MCTP2: variants seen among roughly 807,000 people sequenced by gnomAD.
The protein encoded by MCTP2 is multiple C2 and transmembrane domain containing 2, also known as multiple C2 and transmembrane domain-containing protein 2.
Under a neutral mutation model 111.6 loss-of-function variants are expected in MCTP2, and 132 were observed. The observed-to-expected ratio is 1.18, with a 90% CI of 1.03 to 1.37. The LOEUF is 1.37. Among genes scored for constraint, MCTP2 ranks in the 40% most tolerant of loss-of-function variants. MCTP2 has a pLI of 0.00. For synonymous variants in MCTP2, 395 were observed against 387.7 expected (o/e 1.02, Z -0.22); for missense variants, 1,183 against 1,067.9 (o/e 1.11, Z -1.50).
intron 22 of MCTP2, 117 bp from the exon 23 acceptor site, chr15:94,478,849 T>G: frequency 5.2e-6 from 4 of 770,246 alleles, no homozygotes; most frequent in Non-Finnish European, 2.2e-6. Flanking sequence ...AGAAAATGAT[T>G]CATTACCTTT....
At chr15:94,309,148 A>G (rs916429128) in intron 2 of MCTP2, among the ~76,000 whole-genome samples, 1 of 152,010 alleles carries the variant, frequency 6.6e-6, no homozygotes, top group Non-Finnish European at 1.5e-5. Flanking sequence ...TCCAGTTTTG[A>G]CCTCTCATTG....
intron 11 of MCTP2, among the ~76,000 whole-genome samples, chr15:94,369,886 A>G (rs2079394470): frequency 1.3e-5 from 2 of 152,112 alleles, no homozygotes; most frequent in South Asian, 2.1e-4. Flanking sequence ...GTCGTTAACT[A>G]ATTCTCAGTC....
chr15:94,416,639 A>G (rs2152490333), intron 17 of MCTP2, among the ~76,000 whole-genome samples: 1 of 152,308 alleles, frequency 6.6e-6, no homozygotes, highest in Admixed American at 6.5e-5. Context: ...CATTATGCAT[A>G]TTCGTTTAAT....
intron 1 of MCTP2, among the ~76,000 whole-genome samples, chr15:94,284,348 C>G (rs536140601): frequency 1.3e-5 from 2 of 152,188 alleles, no homozygotes; most frequent in Admixed American, 1.3e-4. Flanking sequence ...GAGAAACTGA[C>G]GTGTACATCA....
intron 1 of MCTP2, among the ~76,000 whole-genome samples, chr15:94,290,194 C>G (rs1279555935): frequency 6.6e-6 from 1 of 152,036 alleles, no homozygotes; most frequent in African/African-American, 2.4e-5. Flanking sequence ...TGATTTCAGC[C>G]TGACAAGACC....
At chr15:94,434,857 C>CTTTTTTTTTTTTTTTTTT (rs751539621) in intron 17 of MCTP2, among the ~76,000 whole-genome samples, 2 of 139,048 alleles carry the variant, frequency 1.4e-5, no homozygotes, top group African/African-American at 2.7e-5. Flanking sequence ...TTCTTTCTTT[C>CTTTTTTTTTTTTTTTTTT]TTTTTTTTTT....
At chr15:94,376,075 A>G (rs2079756326) in intron 12 of MCTP2, among the ~76,000 whole-genome samples, 1 of 152,106 alleles carries the variant, frequency 6.6e-6, no homozygotes, top group Middle Eastern at 3.2e-3. Context: ...TCACTCCTCT[A>G]CTGCAGGACA....
chr15:94,433,641 T>G (rs1185562057), intron 17 of MCTP2, among the ~76,000 whole-genome samples: 1 of 152,244 alleles, frequency 6.6e-6, no homozygotes, highest in African/African-American at 2.4e-5. Context: ...TGAATTATGG[T>G]AAATATATGT....
intron 4 of MCTP2, among the ~76,000 whole-genome samples, chr15:94,335,139 C>G (rs1414600408): frequency 6.6e-6 from 1 of 151,800 alleles, no homozygotes; most frequent in Non-Finnish European, 1.5e-5. Flanking sequence ...CCTCTTTCTT[C>G]TTTCTTCTAA....
At chr15:94,257,274 A>G (rs1246710101) in intron 1 of MCTP2, among the ~76,000 whole-genome samples, 1 of 152,018 alleles carries the variant, frequency 6.6e-6, no homozygotes, top group Non-Finnish European at 1.5e-5. Context: ...ATATATCCTC[A>G]TGGGAACACT....
intron 17 of MCTP2, among the ~76,000 whole-genome samples, chr15:94,414,255 C>T (rs2082279654): frequency 6.6e-6 from 1 of 151,966 alleles, no homozygotes; most frequent in South Asian, 2.1e-4. Context: ...CCCTTGGATC[C>T]AGAATTTTTT....
At chr15:94,303,357 G>A (rs183547237) in intron 2 of MCTP2, among the ~76,000 whole-genome samples, 1 of 151,924 alleles carries the variant, frequency 6.6e-6, no homozygotes, top group Non-Finnish European at 1.5e-5. Context: ...GGCTAGGCCA[G>A]TCTGTTTTCA....
intron 1 of MCTP2, among the ~76,000 whole-genome samples, chr15:94,263,479 CA>C (rs1419266877): frequency 6.6e-6 from 1 of 152,164 alleles, no homozygotes; most frequent in African/African-American, 2.4e-5. Context: ...ATTGTTGACT[CA>C]TTAACTCTGA....
chr15:94,336,169 C>T (rs961006451), intron 4 of MCTP2, among the ~76,000 whole-genome samples: 2 of 152,176 alleles, frequency 1.3e-5, no homozygotes, highest in African/African-American at 4.8e-5. Context: ...GGCACCACAC[C>T]GCTCTAGTCA....
At chr15:94,411,284 CT>C (rs111921100) in intron 17 of MCTP2, among the ~76,000 whole-genome samples, 9,034 of 139,082 alleles carry the variant, frequency 0.065, 293 homozygotes, top group African/African-American at 0.11. Context: ...TTTGATATTG[CT>C]TTTTTTTTTT....
At chr15:94,293,645 ACACATACCTATTAGAATGGCTATG>A (rs1265160643) in intron 1 of MCTP2, among the ~76,000 whole-genome samples, 2 of 152,200 alleles carry the variant, frequency 1.3e-5, no homozygotes, top group African/African-American at 2.4e-5. Context: ...AGTAGCTCAT[ACACATACCTATTAGAATGGCTATG>A]CACATACCTA....
At chr15:94,308,564 A>G (rs2075988420) in intron 2 of MCTP2, among the ~76,000 whole-genome samples, 1 of 152,214 alleles carries the variant, frequency 6.6e-6, no homozygotes, top group South Asian at 2.1e-4. Flanking sequence ...AGGAGCATAA[A>G]TTTTACATTA....
intron 2 of MCTP2, among the ~76,000 whole-genome samples, chr15:94,301,726 A>C (rs1197270847): frequency 7.9e-5 from 12 of 152,168 alleles, no homozygotes; most frequent in Admixed American, 5.9e-4. Flanking sequence ...TTTTTGAAAA[A>C]ATACTCAATT....
chr15:94,467,033 T>TA (rs2152536590), intron 20 of MCTP2, among the ~76,000 whole-genome samples: 1 of 152,318 alleles, frequency 6.6e-6, no homozygotes. Context: ...CTAACACTTA[T>TA]TAAATAGTGA....
Sources: gnomAD v4.1 joint callset for allele counts (sites outside exome capture counted in the v4.1 genomes callset) on GRCh38, gnomAD v4.1.1 for gene constraint, MANE v1.5 for transcripts, NCBI Gene and HGNC (gene_info 2026-07-23, HGNC 2026-07-21) for gene names.